Variants in PGM3 observed in about 807,000 individuals in gnomAD.
PGM3 encodes the protein phosphoglucomutase 3, also known as phosphoacetylglucosamine mutase.
PGM3 carries 40 observed loss-of-function variants against 66.2 expected under a neutral mutation model. The ratio of observed to expected loss-of-function variants is 0.60; its 90% CI spans 0.47 to 0.79. The LOEUF (loss-of-function observed/expected upper bound fraction) is 0.79. Ranked by LOEUF, PGM3 falls within the 30% of genes least tolerant of loss-of-function variation. PGM3 has a pLI of 0.00. For missense variants in PGM3, 537 were observed against 643.4 expected, an observed-to-expected ratio of 0.83 and a Z score of 1.79; for synonymous variants, 191 against 224.2, an observed-to-expected ratio of 0.85 and a Z score of 1.32.
At position 83,168,758 on chromosome 6, in the gene PGM3, T is replaced by G; in HGVS notation, c.*476A>C. The G allele has an allele frequency of 2.0e-6, 2 of 1,000,822 alleles. No individual in the cohort carries two copies. Among genetic ancestry groups the G allele is most frequent in the Non-Finnish European group, 2.4e-6 (2 of 838,502 alleles). The allele number at this position is 1,000,822 out of a possible 1,614,324, so 62.0% of individuals were successfully genotyped here. On this transcript the variant is annotated 3_prime_UTR_variant, in exon 13 of 13. Transcript: ENST00000513973. ...TTCCTGATGGCATTAGTCATATAGG[T>G]AAGTCATCTAATAATCTTTCTTAAG...
chr6:83,168,180 G>C lies in PGM3; in HGVS notation c.*1054C>G, dbSNP rs1446056675. 3 of 1,604,142 alleles carry C rather than the reference G, an allele frequency of 1.9e-6. No homozygotes were observed. Among genetic ancestry groups the C allele is most frequent in the Middle Eastern group, 1.7e-4 (1 of 5,940 alleles). ...GATAAAAACTTGAGCACCATTGCTG[G>C]TTCCATTTAGCTTACATGTAAATGT... On this transcript the variant is annotated 3_prime_UTR_variant, in exon 13 of 13. Coordinates refer to ENST00000513973, the MANE Select transcript of PGM3 (RefSeq NM_015599.3).
At chr6:83,193,622 C>T (rs1789374359), upstream of PGM3, among the ~76,000 whole-genome samples, 1 of 152,122 alleles carries the variant, frequency 6.6e-6, no homozygotes, top group Admixed American at 6.5e-5. Flanking sequence ...GGGGAATCAG[C>T]CCCGTCGCTG....
intron 12 of PGM3, among the ~76,000 whole-genome samples, chr6:83,170,051 G>A (rs1484433118): frequency 6.6e-6 from 1 of 152,132 alleles, no homozygotes; most frequent in African/African-American, 2.4e-5. Context: ...TTCCTGCCAT[G>A]GTTAAAAATA....
Position 83,191,201 on chromosome 6 carries a change from C to T in PGM3, c.-2-187G>A, listed in dbSNP as rs910637202. 49 of 1,534,290 alleles carry T rather than the reference C, an allele frequency of 3.2e-5. No homozygotes were observed. Among genetic ancestry groups the T allele is most frequent in the Non-Finnish European group, 4.0e-5 (46 of 1,145,808 alleles). ...GTTAGAATTACCTACAAGATGTTGT[C>T]CAACTTGGTATGTCCACTCCTGGGC... is the stretch of plus-strand genomic sequence containing the variant. On this transcript the variant is annotated intron_variant, in intron 1 of 12. Coordinates refer to ENST00000513973, the MANE Select transcript of PGM3 (RefSeq NM_015599.3).
chr6:83,152,363 C>A, the PGM3 span: 1 of 1,487,614 alleles, frequency 6.7e-7, no homozygotes. Flanking sequence ...ACATTACTCT[C>A]TGAGGTAAAT....
chr6:83,152,432 T>A, the PGM3 span: 1 of 675,006 alleles, frequency 1.5e-6, no homozygotes, highest in Non-Finnish European at 2.3e-6. Context: ...AATTAGCAAG[T>A]AATTTTTATA....
downstream of PGM3, chr6:83,159,960 T>G: frequency 6.2e-7 from 1 of 1,613,932 alleles, no homozygotes; most frequent in African/African-American, 1.3e-5. Flanking sequence ...CAGTTTCAGA[T>G]GTAAGTAAAA....
At position 83,168,849 on chromosome 6, in the gene PGM3, G is replaced by C; in HGVS notation, c.*385C>G. On this transcript the variant is annotated 3_prime_UTR_variant, in exon 13 of 13. Transcript: ENST00000513973. The stretch of plus-strand genomic sequence containing the variant: ...CCCTCTCCATTTGTATCAGCAATGG[G>C]GAATGCTGCAAAACATCATCTTGCT... The C allele has an allele frequency of 9.6e-7, 1 of 1,037,612 alleles. No homozygotes were observed. Among genetic ancestry groups the C allele is most frequent in the Non-Finnish European group, 1.2e-6 (1 of 860,468 alleles). The allele number at this position is 1,037,612 out of a possible 1,614,324, so 64.3% of individuals were successfully genotyped here. A position where few individuals can be genotyped will look rare whatever the true frequency, so the allele number is the denominator to read the frequency against.
chr6:83,192,236 G>A (rs908376790), intron 1 of PGM3, among the ~76,000 whole-genome samples: 1 of 152,238 alleles, frequency 6.6e-6, no homozygotes, highest in African/African-American at 2.4e-5. Flanking sequence ...CTGCACTCCA[G>A]GCTGGGCGAC....
Position 83,188,700 on chromosome 6 carries a change from A to C in PGM3, c.303T>G (p.Asp101Glu), listed in dbSNP as rs772568256. The change falls in exon 3 of 13, where the codon GAT becomes GAG. Residue 101 changes from aspartate (D) to glutamate (E), a missense_variant. Physicochemically the swap from Asp to Glu is conservative, Grantham distance 45. Transcript: ENST00000513973. ...ATCLANAEEQ[D>E]MQRVLIDISE... The stretch of plus-strand genomic sequence containing the variant: ...TGATGTCAATAAGCACTCTCTGCAT[A>C]TCTTGTTCCTCAGCATTTGCTAAAC... 3.1e-6 allele frequency: 5 copies of C among 1,614,030 alleles called. No individual in the cohort carries two copies. Among genetic ancestry groups the C allele is most frequent in the South Asian group, 2.2e-5 (2 of 91,086 alleles).
the PGM3 span, chr6:83,148,899 G>T: frequency 2.3e-6 from 3 of 1,281,098 alleles, no homozygotes; most frequent in African/African-American, 4.7e-5. Flanking sequence ...TCAAATAAAA[G>T]GATAATGTTA....
chr6:83,167,076 C>G lies in PGM3; in HGVS notation c.*2158G>C, dbSNP rs1291794142. On this transcript the variant is annotated 3_prime_UTR_variant, in exon 13 of 13. Coordinates refer to ENST00000513973, the MANE Select transcript of PGM3 (RefSeq NM_015599.3). ...GGCTTCTCAAACTAGCCTCTTAATACCCAAATTATTAGTCTTTATATTTAG... is the reference window on the plus strand; with the variant it reads ...GGCTTCTCAAACTAGCCTCTTAATAGCCAAATTATTAGTCTTTATATTTAG... The G allele has an allele frequency of 5.6e-5, 55 of 984,134 alleles. No homozygotes were observed. Among genetic ancestry groups the G allele is most frequent in the Non-Finnish European group, 6.5e-5 (54 of 828,938 alleles). 61.0% of individuals were successfully genotyped at this position (984,134 alleles called of 1,614,324 possible).
the PGM3 span, chr6:83,152,225 CACACACAT>C: frequency 3.0e-3 from 2,760 of 934,622 alleles, 8 homozygotes; most frequent in Non-Finnish European, 4.0e-3. Context: ...CACACACACA[CACACACAT>C]AAAATTTATT....
chr6:83,152,550 A>G, the PGM3 span, among the ~76,000 whole-genome samples: 2 of 151,632 alleles, frequency 1.3e-5, no homozygotes, highest in Non-Finnish European at 2.9e-5. Context: ...TTTGCCAAAC[A>G]TTAGTGATAA....
the PGM3 span, chr6:83,151,582 G>T: frequency 1.3e-6 from 2 of 1,581,170 alleles, no homozygotes; most frequent in Non-Finnish European, 8.6e-7. Context: ...TTTTCTCTTT[G>T]GCCCTTTTAG....
rs561611063 is a variant in PGM3, at chr6:83,188,472, A to C, written c.389+142T>G. 12 of 641,428 alleles carry C rather than the reference A, an allele frequency of 1.9e-5. No homozygotes were observed. The African/African-American group carries it at 2.2e-4, about 12-fold the overall frequency. The allele number at this position is 641,428 out of a possible 1,614,324, so 39.7% of individuals were successfully genotyped here. On this transcript the variant is annotated intron_variant, in intron 3 of 12. Transcript: ENST00000513973. ...AGTAGTGACTTAGCTACTACATCCT[A>C]CTAGAAAGGCCAGGCAGGTAGACAT...
downstream of PGM3, chr6:83,156,160 A>G: frequency 2.1e-6 from 3 of 1,416,168 alleles, no homozygotes; most frequent in Non-Finnish European, 2.9e-6. Flanking sequence ...GGTTCCTTAG[A>G]AAATACTTCT....
chr6:83,188,507 G>A, intron 3 of PGM3, 107 bp downstream of exon 3: 1 of 845,362 alleles, frequency 1.2e-6, no homozygotes, highest in East Asian at 2.5e-5. Flanking sequence ...TGCAACTCAG[G>A]GTAGTTCCAC....
chr6:83,162,490 A>G (rs913917866), downstream of PGM3, among the ~76,000 whole-genome samples: 1 of 152,198 alleles, frequency 6.6e-6, no homozygotes, highest in Non-Finnish European at 1.5e-5. Flanking sequence ...CGCTAATGAG[A>G]AAAGAAACAT....
Sources: allele counts gnomAD v4.1 joint callset (sites outside exome capture counted in the v4.1 genomes callset), GRCh38; gene constraint gnomAD v4.1.1; transcripts MANE v1.5; gene names NCBI Gene and HGNC (gene_info 2026-07-23, HGNC 2026-07-21).